The following LRMDA variants were observed in gnomAD, a reference collection of about 807,000 sequenced individuals.
LRMDA encodes leucine-rich melanocyte differentiation-associated protein.
A neutral mutation model predicts 29.8 loss-of-function variants in LRMDA; 18 were observed. The ratio of observed to expected loss-of-function variants is 0.60; its 90% confidence interval spans 0.42 to 0.90. LRMDA has a LOEUF of 0.90. Ranked by LOEUF, LRMDA falls within the 40% of genes least tolerant of loss-of-function variation. LRMDA has a pLI of 0.00. For missense variants in LRMDA, 273 were observed against 273.9 expected (o/e 1.00, Z 0.02); for synonymous variants, 125 against 109.4 (o/e 1.14, Z -0.89).
chr10:75,687,551 G>A (rs1174220357), intron 2 of LRMDA, among the ~76,000 whole-genome samples: 2 of 152,212 alleles, frequency 1.3e-5, no homozygotes, highest in Admixed American at 6.5e-5. Context: ...AAGGAAAGAA[G>A]CCATCATCTC....
In LRMDA at chr10:76,143,021, G is replaced by A. The variant is rs371331968; in HGVS notation, c.516+84238G>A. Reference sequence around the variant, plus strand: ...CCATGTCCCTACAAAGGACATGAACGCATCATTTTTTATGGCTGCATAGTA... The same window carrying A: ...CCATGTCCCTACAAAGGACATGAACACATCATTTTTTATGGCTGCATAGTA... On this transcript the variant is annotated intron_variant, in intron 5 of 6. Transcript: ENST00000611255. Among the ~76,000 whole-genome samples the A allele has an allele frequency of 1.9e-3, 291 of 151,982 alleles. 2 individuals are homozygous for A. The highest frequency in any genetic ancestry group is 5.7e-3 in the African/African-American group (237 of 41,442).
At chr10:75,700,011 A>G (rs925146459) in intron 2 of LRMDA, among the ~76,000 whole-genome samples, 1 of 152,180 alleles carries the variant, frequency 6.6e-6, no homozygotes, top group African/African-American at 2.4e-5. Flanking sequence ...TCTCTCCTAG[A>G]ACCTCTGGAG....
At chr10:76,288,360 A>G (rs1273174479) in intron 5 of LRMDA, among the ~76,000 whole-genome samples, 2 of 152,184 alleles carry the variant, frequency 1.3e-5, no homozygotes, top group Non-Finnish European at 1.5e-5. Flanking sequence ...AGCACATTTC[A>G]TAATAGCAAA....
At chr10:75,697,460 G>C (rs547394076) in intron 2 of LRMDA, among the ~76,000 whole-genome samples, 1 of 150,098 alleles carries the variant, frequency 6.7e-6, no homozygotes, top group African/African-American at 2.5e-5. Context: ...TCCAAATGAT[G>C]TTCACTTTAG....
chr10:76,368,370 C>G (rs1000085626), intron 6 of LRMDA, among the ~76,000 whole-genome samples: 3 of 152,126 alleles, frequency 2.0e-5, no homozygotes, highest in Non-Finnish European at 4.4e-5. Context: ...AATGTTCATT[C>G]AGGAGCAGGT....
intron 2 of LRMDA, among the ~76,000 whole-genome samples, chr10:75,974,617 A>G (rs749279431): frequency 2.0e-5 from 3 of 152,204 alleles, no homozygotes; most frequent in Non-Finnish European, 4.4e-5. Flanking sequence ...CAGCAGCTCA[A>G]TGAGGTAAGT....
chr10:76,255,688 C>T (rs1852581254), intron 5 of LRMDA, among the ~76,000 whole-genome samples: 1 of 152,116 alleles, frequency 6.6e-6, no homozygotes, highest in Non-Finnish European at 1.5e-5. Flanking sequence ...AGCTTTAAAG[C>T]AGCATGGAGC....
intron 2 of LRMDA, among the ~76,000 whole-genome samples, chr10:75,846,919 A>T (rs1447970357): frequency 6.6e-6 from 1 of 152,220 alleles, no homozygotes; most frequent in East Asian, 1.9e-4. Flanking sequence ...TACTGTTAAA[A>T]TGTCAATACT....
At chr10:75,553,069 C>A (rs868354759) in intron 2 of LRMDA, among the ~76,000 whole-genome samples, 1 of 152,122 alleles carries the variant, frequency 6.6e-6, no homozygotes, top group East Asian at 1.9e-4. Flanking sequence ...ACTACTTTAT[C>A]TTTTGACCAA....
rs552903963 is a variant in LRMDA, at chr10:76,093,160, C to T, written c.516+34377C>T. Among the ~76,000 whole-genome samples, 636 of 152,144 alleles carry T rather than the reference C, an allele frequency of 4.2e-3. 2 individuals carry two copies. Among genetic ancestry groups the T allele is most frequent in the African/African-American group, 0.015 (611 of 41,504 alleles). On this transcript the variant is annotated intron_variant, in intron 5 of 6. Coordinates refer to ENST00000611255, the MANE Select transcript of LRMDA (RefSeq NM_001305581.2). ...TCAAGCGATTCTCCTGCCTCAGCCT[C>T]CCGAGTAGCTGGGATTACAGGCGCC...
intron 2 of LRMDA, among the ~76,000 whole-genome samples, chr10:75,445,573 G>GA (rs5786172): frequency 6.6e-6 from 1 of 152,258 alleles, no homozygotes; most frequent in African/African-American, 2.4e-5. Flanking sequence ...GCTTTAGCCG[G>GA]GTTGGTTCCT....
chr10:76,060,963 C>A (rs979569044), intron 5 of LRMDA, among the ~76,000 whole-genome samples: 1 of 152,162 alleles, frequency 6.6e-6, no homozygotes, highest in Non-Finnish European at 1.5e-5. Context: ...AGCAGTATGG[C>A]AATTCCTCAG....
intron 5 of LRMDA, among the ~76,000 whole-genome samples, chr10:76,199,569 T>C (rs943817770): frequency 6.6e-6 from 1 of 152,178 alleles, no homozygotes; most frequent in Non-Finnish European, 1.5e-5. Context: ...TTATTAGTAT[T>C]AACCCAAACT....
intron 2 of LRMDA, among the ~76,000 whole-genome samples, chr10:76,012,462 C>T (rs550669734): frequency 1.7e-4 from 26 of 152,138 alleles, no homozygotes; most frequent in Non-Finnish European, 3.4e-4. Context: ...GTGTGTGTAT[C>T]GGGGGTTGGG....
chr10:76,099,711 C>T (rs924230720), intron 5 of LRMDA, among the ~76,000 whole-genome samples: 2 of 151,810 alleles, frequency 1.3e-5, no homozygotes, highest in African/African-American at 2.4e-5. Flanking sequence ...TTTTTGTATT[C>T]ATTACTAGTT....
At chr10:75,943,040 C>T (rs957785925) in intron 2 of LRMDA, among the ~76,000 whole-genome samples, 15 of 151,886 alleles carry the variant, frequency 9.9e-5, no homozygotes, top group Middle Eastern at 3.4e-3. Context: ...TTTTTGTCTC[C>T]GAGTAGGTTA....
At chr10:75,812,083 T>C (rs948203390) in intron 2 of LRMDA, among the ~76,000 whole-genome samples, 6 of 148,990 alleles carry the variant, frequency 4.0e-5, no homozygotes, top group African/African-American at 1.5e-4. Flanking sequence ...CAGTGACTAA[T>C]AGTTTCTAAG....
Position 75,683,613 on chromosome 10 carries a change from G to A in LRMDA, c.131+245119G>A, listed in dbSNP as rs140749683. On this transcript the variant is annotated intron_variant, in intron 2 of 6. Coordinates refer to ENST00000611255, the MANE Select transcript of LRMDA (RefSeq NM_001305581.2). ...AAATATCCTGCACTCAGTATTTGGT[G>A]TCAGGCAAGGTTCCTAGGTGGTGTT... 6.8e-3 allele frequency among the ~76,000 whole-genome samples: 1,043 copies of A among 152,336 alleles called. 16 individuals are homozygous for A. The highest frequency in any genetic ancestry group is 0.023 in the African/African-American group (968 of 41,582).
chr10:76,008,509 G>A (rs191931342), intron 2 of LRMDA, among the ~76,000 whole-genome samples: 54 of 152,168 alleles, frequency 3.5e-4, no homozygotes, highest in East Asian at 1.4e-3. Context: ...CTTCAATTCC[G>A]AGGCTGGCTT....
Sources: allele counts gnomAD v4.1 joint callset (sites outside exome capture counted in the v4.1 genomes callset), GRCh38; gene constraint gnomAD v4.1.1; transcripts MANE v1.5; gene names NCBI Gene and HGNC (gene_info 2026-07-23, HGNC 2026-07-21).